MYOM1: variants seen among roughly 807,000 people sequenced by gnomAD.
MYOM1 encodes myomesin 1, also known as myomesin-1.
In MYOM1, 164 loss-of-function variants were observed where a neutral mutation model predicts 205.3. The ratio of observed to expected loss-of-function variants is 0.80; its 90% confidence interval spans 0.70 to 0.91. The LOEUF (loss-of-function observed/expected upper bound fraction) is 0.91. MYOM1 is among the 40% of genes least tolerant of loss of function. MYOM1 has a pLI of 0.00. For synonymous variants in MYOM1, 772 were observed against 789.4 expected (o/e 0.98, Z 0.37); for missense variants, 2,011 against 2,127.3 (o/e 0.95, Z 1.08).
At chr18:3,195,564 C>A (rs961364653) in intron 2 of MYOM1, among the ~76,000 whole-genome samples, 1 of 151,978 alleles carries the variant, frequency 6.6e-6, no homozygotes, top group African/African-American at 2.4e-5. Flanking sequence ...TTCATTTTTT[C>A]CCCTGTTTCC....
chr18:3,173,967 T>C lies in MYOM1; in HGVS notation c.1145A>G (p.His382Arg), dbSNP rs773991969. 13 of 1,613,684 alleles carry C rather than the reference T, an allele frequency of 8.1e-6. No homozygotes were observed. The highest frequency in any genetic ancestry group is 1.0e-5 in the Non-Finnish European group (12 of 1,179,728). ...YKGEFDETRFHAGASTMPLSF... is the reference protein window; with the variant it reads ...YKGEFDETRFRAGASTMPLSF... ...GAGGGGCATGGTGGAAGCCCCAGCG[T>C]GGAAGCGAGTCTCATCAAACTCTCC... The change falls in exon 8 of 38, where the codon CAC (histidine) becomes CGC (arginine). Residue 382 changes from histidine (H) to arginine (R), a missense_variant. Transcript: ENST00000356443.
chr18:3,100,486 T>C (rs1371058245), intron 23 of MYOM1, 60 bp from the exon 24 acceptor site: 3 of 1,254,348 alleles, frequency 2.4e-6, no homozygotes, highest in East Asian at 4.8e-5. Context: ...GGCCTGTGTT[T>C]CCCCTGAATC....
At chr18:3,149,266 T>C (rs555448366) in intron 12 of MYOM1, 65 bp from the exon 13 acceptor site, 6 of 1,396,814 alleles carry the variant, frequency 4.3e-6, no homozygotes, top group South Asian at 1.2e-5. Flanking sequence ...GCTGCACTGA[T>C]GAATTGGGAA....
intron 2 of MYOM1, among the ~76,000 whole-genome samples, chr18:3,214,131 A>G (rs1270606973): frequency 6.6e-6 from 1 of 152,230 alleles, no homozygotes; most frequent in Non-Finnish European, 1.5e-5. Flanking sequence ...TGCTGCATAA[A>G]TAGTAGTTCC....
At chr18:3,222,881 A>G (rs1567976334), upstream of MYOM1, among the ~76,000 whole-genome samples, 1 of 150,110 alleles carries the variant, frequency 6.7e-6, no homozygotes, top group African/African-American at 2.5e-5. Context: ...CTAAATCTCA[A>G]TTTTTTTTTT....
intron 21 of MYOM1, among the ~76,000 whole-genome samples, chr18:3,113,678 A>C (rs1205773097): frequency 6.8e-6 from 1 of 146,486 alleles, no homozygotes; most frequent in Non-Finnish European, 1.5e-5. Flanking sequence ...GAATAATCTC[A>C]TTACTATTAC....
intron 5 of MYOM1, among the ~76,000 whole-genome samples, chr18:3,185,190 T>A (rs1168278334): frequency 6.6e-6 from 1 of 152,256 alleles, no homozygotes; most frequent in African/African-American, 2.4e-5. Context: ...TCTGCTTTCG[T>A]GAAATCACAT....
intron 30 of MYOM1, 27 bp downstream of exon 30, chr18:3,086,011 T>G (rs745559037): frequency 7.0e-6 from 10 of 1,419,024 alleles, no homozygotes; most frequent in Non-Finnish European, 9.9e-6. Flanking sequence ...AGCTAATATA[T>G]TACATTTTAC....
chr18:3,238,816 G>A, the MYOM1 span, among the ~76,000 whole-genome samples: 177 of 152,246 alleles, frequency 1.2e-3, no homozygotes, highest in African/African-American at 4.1e-3. Context: ...GAGGCTTCCT[G>A]CATTCCCTGG....
the MYOM1 span, among the ~76,000 whole-genome samples, chr18:3,237,950 G>A: frequency 3.9e-5 from 6 of 152,266 alleles, no homozygotes; most frequent in Non-Finnish European, 7.3e-5. Context: ...GATCAGTTTC[G>A]AGGAAGACGA....
chr18:3,192,015 A>G (rs1199365333), intron 3 of MYOM1, among the ~76,000 whole-genome samples: 2 of 152,096 alleles, frequency 1.3e-5, no homozygotes, highest in African/African-American at 4.8e-5. Context: ...CTTTTATCAC[A>G]GTGTATTTGT....
At chr18:3,134,073 TGGTCTC>T (rs2079915589) in intron 16 of MYOM1, among the ~76,000 whole-genome samples, 1 of 151,856 alleles carries the variant, frequency 6.6e-6, no homozygotes, top group African/African-American at 2.4e-5. Flanking sequence ...TTGCCCAGGC[TGGTCTC>T]AAACTCCTGG....
chr18:3,215,301 T>C lies in MYOM1; in HGVS notation c.-28-50A>G, dbSNP rs946105275. 12 of 1,363,336 alleles carry C rather than the reference T, an allele frequency of 8.8e-6. No homozygotes were observed. The East Asian group carries it at 1.8e-4, about 20-fold the overall frequency. The allele number at this position is 1,363,336 out of a possible 1,614,324, so 84.5% of individuals were successfully genotyped here. ...GTGACTTATTAAGGAACAAATTCCA[T>C]AGACCAAGTCATCTAAATCAATGTG... On this transcript the variant is annotated intron_variant, in intron 1 of 37. Coordinates refer to ENST00000356443, the MANE Select transcript of MYOM1 (RefSeq NM_003803.4).
the MYOM1 span, among the ~76,000 whole-genome samples, chr18:3,242,617 T>G: frequency 8.5e-5 from 13 of 152,300 alleles, no homozygotes; most frequent in Non-Finnish European, 1.8e-4. Context: ...CAAGTGATTC[T>G]CCAACCTCAG....
the MYOM1 span, among the ~76,000 whole-genome samples, chr18:3,239,128 G>A: frequency 2.5e-4 from 38 of 152,198 alleles, no homozygotes; most frequent in Admixed American, 3.3e-4. Context: ...TTATACATAC[G>A]GGGTACATTA....
In MYOM1 at chr18:3,101,995, T is replaced by C. The variant is rs1411775713; in HGVS notation, c.3575+479A>G. 3.1e-5 allele frequency among the ~76,000 whole-genome samples: 4 copies of C among 127,710 alleles called. No homozygotes were observed. In the South Asian group the frequency reaches 1.1e-3, roughly 37 times the overall value. The allele number at this position is 127,710 out of a possible 152,430, so 83.8% of individuals were successfully genotyped here. On this transcript the variant is annotated intron_variant, in intron 23 of 37. Transcript: ENST00000356443. ...GCCAATGAGTCAGTCTGGGATTTTT[T>C]TTTTTTTTTTTTTTTTTTTTTTTTG...
chr18:3,083,237 G>A (rs933126473), intron 33 of MYOM1, among the ~76,000 whole-genome samples: 8 of 152,088 alleles, frequency 5.3e-5, no homozygotes, highest in Admixed American at 4.6e-4. Flanking sequence ...TACATGTTGA[G>A]GGAAAGAGCT....
chr18:3,164,580 AT>A, intron 9 of MYOM1, 141 bp from the exon 10 acceptor site: 1 of 805,596 alleles, frequency 1.2e-6, no homozygotes, highest in Non-Finnish European at 1.9e-6. Context: ...ACTTTGAGCC[AT>A]CCTGATATGT....
intron 16 of MYOM1, among the ~76,000 whole-genome samples, chr18:3,132,271 C>G (rs1473551314): frequency 6.6e-6 from 1 of 151,742 alleles, no homozygotes; most frequent in East Asian, 1.9e-4. Flanking sequence ...CTGCCTCAGC[C>G]TCCTGAGTAG....
Sources: allele counts gnomAD v4.1 joint callset (sites outside exome capture counted in the v4.1 genomes callset), GRCh38; gene constraint gnomAD v4.1.1; transcripts MANE v1.5; gene names NCBI Gene and HGNC (gene_info 2026-07-23, HGNC 2026-07-21).